The following GABRG2 variants were observed in gnomAD, a reference collection of about 807,000 sequenced individuals.
GABRG2 encodes gamma-aminobutyric acid type A receptor subunit gamma2.
In GABRG2, 16 loss-of-function variants were observed where a neutral mutation model predicts 56.4. That is an observed-to-expected ratio of 0.28 (90% CI 0.19 to 0.43). GABRG2 has a LOEUF of 0.43. Ranked by LOEUF, GABRG2 falls within the 20% of genes least tolerant of loss-of-function variation. GABRG2 has a pLI of 1.00. For synonymous variants in GABRG2, 208 were observed against 205.5 expected (o/e 1.01, Z -0.10); for missense variants, 327 against 582.7 (o/e 0.56, Z 4.52).
At chr5:162,113,033 C>T (rs1270504796) in intron 6 of GABRG2, among the ~76,000 whole-genome samples, 1 of 151,812 alleles carries the variant, frequency 6.6e-6, no homozygotes, top group Non-Finnish European at 1.5e-5. Context: ...ACTCATGCAA[C>T]CTCCACCTCC....
At chr5:162,084,114 A>G (rs1354007644) in intron 1 of GABRG2, among the ~76,000 whole-genome samples, 1 of 151,824 alleles carries the variant, frequency 6.6e-6, no homozygotes, top group Non-Finnish European at 1.5e-5. Context: ...TAGCAAATTG[A>G]AAAGAGTGGC....
chr5:162,077,225 A>G (rs1458477501), intron 1 of GABRG2, among the ~76,000 whole-genome samples: 1 of 151,860 alleles, frequency 6.6e-6, no homozygotes, highest in African/African-American at 2.4e-5. Flanking sequence ...TTCACCATAG[A>G]TTTATATTTT....
intron 7 of GABRG2, among the ~76,000 whole-genome samples, chr5:162,144,938 G>A (rs909927256): frequency 2.0e-5 from 3 of 152,172 alleles, no homozygotes; most frequent in Non-Finnish European, 4.4e-5. Context: ...TGTCTAGAAC[G>A]TGACTTAGGA....
At chr5:162,150,211 A>G (rs1421773803) in intron 8 of GABRG2, 2 of 152,270 alleles carry the variant, frequency 1.3e-5, no homozygotes, top group South Asian at 2.1e-4. Context: ...CACTTGTCTT[A>G]TGGGGCTCCT....
chr5:162,076,732 C>T (rs973063541), intron 1 of GABRG2, among the ~76,000 whole-genome samples: 2 of 152,104 alleles, frequency 1.3e-5, no homozygotes, highest in Non-Finnish European at 2.9e-5. Flanking sequence ...GAAGTGGAAG[C>T]AGTGGTTGTG....
At chr5:162,086,948 G>A in intron 1 of GABRG2, among the ~76,000 whole-genome samples, 1 of 151,770 alleles carries the variant, frequency 6.6e-6, no homozygotes. Flanking sequence ...TTTTCTTTTG[G>A]AAATAATCAA....
chr5:162,110,691 A>G (rs770233147), intron 6 of GABRG2, among the ~76,000 whole-genome samples: 1 of 152,140 alleles, frequency 6.6e-6, no homozygotes, highest in Non-Finnish European at 1.5e-5. Context: ...TAAATGAAAA[A>G]AGAGAAATAA....
At chr5:162,110,094 T>G (rs1762149294) in intron 6 of GABRG2, among the ~76,000 whole-genome samples, 1 of 152,142 alleles carries the variant, frequency 6.6e-6, no homozygotes, top group Admixed American at 6.6e-5. Flanking sequence ...TTTTCTTAGA[T>G]TCCATGTTCT....
intron 6 of GABRG2, among the ~76,000 whole-genome samples, chr5:162,112,602 G>C (rs370223139): frequency 2.6e-5 from 4 of 152,194 alleles, no homozygotes; most frequent in South Asian, 4.1e-4. Context: ...GCATATCACA[G>C]ACTGGAAATG....
At position 162,151,885 on chromosome 5, in the gene GABRG2, G is replaced by T. The variant is rs1765400913; in HGVS notation, c.1152+132G>T. ...TACTAGAGATAATATGTTGGAGAAA[G>T]TTCTACAGACTTCTAGAGTTGATTC... On this transcript the variant is annotated intron_variant, in intron 9 of 9. Coordinates refer to ENST00000639213, the MANE Select transcript of GABRG2 (RefSeq NM_198904.4). 3.1e-5 allele frequency: 25 copies of T among 799,518 alleles called. No individual in the cohort carries two copies. The South Asian group carries it at 3.8e-4, about 12-fold the overall frequency. 49.5% of individuals were successfully genotyped at this position (799,518 alleles called of 1,614,324 possible). A position where few individuals can be genotyped will look rare whatever the true frequency, so the allele number is the denominator to read the frequency against.
intron 1 of GABRG2, among the ~76,000 whole-genome samples, chr5:162,073,439 A>G (rs1421638622): frequency 1.3e-5 from 2 of 151,964 alleles, no homozygotes; most frequent in African/African-American, 4.8e-5. Flanking sequence ...CCATTTTTAA[A>G]GAGGAGATCT....
intron 7 of GABRG2, among the ~76,000 whole-genome samples, chr5:162,146,645 T>C (rs1764969333): frequency 6.6e-6 from 1 of 152,208 alleles, no homozygotes; most frequent in Non-Finnish European, 1.5e-5. Flanking sequence ...AGCATGATGC[T>C]CCACTGTGGG....
intron 1 of GABRG2, among the ~76,000 whole-genome samples, chr5:162,070,571 C>G (rs1335222887): frequency 6.6e-6 from 1 of 151,426 alleles, no homozygotes; most frequent in Non-Finnish European, 1.5e-5. Context: ...TTATGTAACT[C>G]AAAAGATTGT....
rs535370579 is a variant in GABRG2 at position 162,109,389 on chromosome 5, A to AATATATATATATATATAT, written c.769+5380_769+5397dup. Among the ~76,000 whole-genome samples the AATATATATATATATATAT allele has an allele frequency of 1.3e-3, 155 of 116,166 alleles. 1 individual carries two copies. Among genetic ancestry groups the AATATATATATATATATAT allele is most frequent in the East Asian group, 6.6e-3 (22 of 3,344 alleles). The allele number at this position is 116,166 out of a possible 152,430, so 76.2% of individuals were successfully genotyped here. ...ACATGTACCCTAGAACTTAAAGTAT[A>AATATATATATATATATAT]ATATATATATATATATATATATATA... On this transcript the variant is annotated intron_variant, in intron 6 of 9. Coordinates refer to ENST00000639213, the MANE Select transcript of GABRG2 (RefSeq NM_198904.4).
At chr5:162,099,562 A>G (rs1027168583) in intron 4 of GABRG2, 3 of 152,230 alleles carry the variant, frequency 2.0e-5, no homozygotes, top group South Asian at 2.1e-4. Flanking sequence ...CAGCCATGGC[A>G]TCTGGCCAAT....
At chr5:162,113,304 T>C (rs1261919442) in intron 6 of GABRG2, among the ~76,000 whole-genome samples, 1 of 152,160 alleles carries the variant, frequency 6.6e-6, no homozygotes, top group Non-Finnish European at 1.5e-5. Flanking sequence ...ACAGTTAACA[T>C]AGAAAAACAC....
At chr5:162,099,128 G>A (rs923793448) in intron 4 of GABRG2, 1 of 151,914 alleles carries the variant, frequency 6.6e-6, no homozygotes, top group Non-Finnish European at 1.5e-5. Flanking sequence ...TATAATACTT[G>A]AATAGGCTCC....
chr5:162,112,645 T>C (rs1049113731), intron 6 of GABRG2, among the ~76,000 whole-genome samples: 3 of 152,162 alleles, frequency 2.0e-5, no homozygotes, highest in Admixed American at 6.5e-5. Context: ...AATGTATTCT[T>C]TTTAAAATAT....
intron 6 of GABRG2, among the ~76,000 whole-genome samples, chr5:162,107,530 A>G (rs1581373061): frequency 1.3e-5 from 2 of 152,190 alleles, no homozygotes; most frequent in Non-Finnish European, 2.9e-5. Context: ...ATTTAATGCT[A>G]TGTGAGAGTC....
Sources: gnomAD v4.1 joint callset for allele counts (sites outside exome capture counted in the v4.1 genomes callset) on GRCh38, gnomAD v4.1.1 for gene constraint, MANE v1.5 for transcripts, NCBI Gene and HGNC (gene_info 2026-07-23, HGNC 2026-07-21) for gene names.